The following ANK3 variants were observed in gnomAD, a reference collection of about 807,000 sequenced individuals.
ANK3 encodes ankyrin 3.
Under a neutral mutation model 370.9 loss-of-function variants are expected in ANK3, and 57 were observed. That is an observed-to-expected ratio of 0.15 (90% CI 0.12 to 0.19). The LOEUF is 0.19. ANK3 is among the 10% of genes least tolerant of loss of function. ANK3 has a pLI of 1.00. For missense variants in ANK3, 4,439 were observed against 5,302.1 expected, an observed-to-expected ratio of 0.84 and a Z score of 5.06; for synonymous variants, 1,929 against 1,946.3, an observed-to-expected ratio of 0.99 and a Z score of 0.23.
intron 2 of ANK3, among the ~76,000 whole-genome samples, chr10:60,442,605 AC>A (rs1175532302): frequency 6.6e-6 from 1 of 152,192 alleles, no homozygotes; most frequent in Non-Finnish European, 1.5e-5. Context: ...AACCACAGAT[AC>A]AAAAGGCAGA....
At position 60,681,023 on chromosome 10, in the gene ANK3, C is replaced by G. The variant is rs77826325; in HGVS notation, c.57+52240G>C. Among the ~76,000 whole-genome samples the G allele has an allele frequency of 2.4e-4, 37 of 152,284 alleles. 1 individual carries two copies. The East Asian group carries it at 6.0e-3, about 25-fold the overall frequency. ...ATTTTTCCTCTTCACTTGGCACTCT[C>G]TAACTCAGGGGAAAGTTAACCAAGT... On this transcript the variant is annotated intron_variant, in intron 1 of 43. Coordinates refer to the ANK3 transcript ENST00000373827.
chr10:60,461,410 A>AT (rs1399810444), intron 2 of ANK3, among the ~76,000 whole-genome samples: 1 of 152,200 alleles, frequency 6.6e-6, no homozygotes, highest in African/African-American at 2.4e-5. Flanking sequence ...GATCAAAATG[A>AT]TATTTTCAGT....
chr10:60,082,665 G>A lies in ANK3; in HGVS notation c.4273C>T (p.Pro1425Ser), dbSNP rs752615413. Residue 1425 changes from proline (P) to serine (S), a missense_variant, in exon 34 of 44, where the codon CCT (proline) becomes TCT (serine). By Grantham distance (74) the Pro-to-Ser change is moderately conservative. Transcript: ENST00000280772. ...TTTAAGTTGCAAACCGCTGTTTGAGGCAGTCCTTTTGTTGTCTTTGGTTCT... is the reference window on the plus strand; with the variant it reads ...TTTAAGTTGCAAACCGCTGTTTGAGACAGTCCTTTTGTTGTCTTTGGTTCT... ...LKEPKTTKGL[P>S]QTAVCNLNIT... The A allele has an allele frequency of 6.2e-7, 1 of 1,614,110 alleles. No homozygotes were observed. Among genetic ancestry groups the A allele is most frequent in the South Asian group, 1.1e-5 (1 of 91,084 alleles).
At chr10:60,311,851 G>T (rs2046422663) in intron 1 of ANK3, among the ~76,000 whole-genome samples, 1 of 152,108 alleles carries the variant, frequency 6.6e-6, no homozygotes, top group Non-Finnish European at 1.5e-5. Context: ...TCTAAAGTAG[G>T]TCTGAAATCA....
chr10:60,493,965 T>A (rs1386863900), intron 2 of ANK3, among the ~76,000 whole-genome samples: 2 of 152,200 alleles, frequency 1.3e-5, no homozygotes, highest in African/African-American at 4.8e-5. Flanking sequence ...ATATTAATCA[T>A]GATAATATCA....
At chr10:60,535,903 G>A (rs2133207488) in intron 2 of ANK3, among the ~76,000 whole-genome samples, 1 of 150,180 alleles carries the variant, frequency 6.7e-6, no homozygotes, top group East Asian at 2.0e-4. Flanking sequence ...CTAAATATCG[G>A]CAAAGCAACT....
intron 42 of ANK3, among the ~76,000 whole-genome samples, chr10:60,052,630 T>C (rs1429739984): frequency 6.6e-6 from 1 of 152,174 alleles, no homozygotes; most frequent in African/African-American, 2.4e-5. Context: ...AGTTCATAAT[T>C]TGAAGGGGAA....
chr10:60,389,296 C>T, intron 1 of ANK3, 129 bp downstream of exon 1: 1 of 864,494 alleles, frequency 1.2e-6, no homozygotes, highest in Non-Finnish European at 1.8e-6. Context: ...CATCTGTTCC[C>T]AATTTACACA....
intron 16 of ANK3, among the ~76,000 whole-genome samples, chr10:60,193,708 CT>C (rs1295366776): frequency 1.3e-5 from 2 of 151,824 alleles, no homozygotes; most frequent in Non-Finnish European, 2.9e-5. Context: ...TGCTTTATAA[CT>C]TTGGTCAATT....
At chr10:60,556,501 C>G (rs2077210012) in intron 2 of ANK3, among the ~76,000 whole-genome samples, 1 of 152,172 alleles carries the variant, frequency 6.6e-6, no homozygotes, top group African/African-American at 2.4e-5. Context: ...AATGCACCTG[C>G]TGCCATTGAC....
At position 60,075,919 on chromosome 10, in the gene ANK3, A is replaced by G. The variant is rs778625193; in HGVS notation, c.4962T>C (p.Tyr1654=). 1.2e-6 allele frequency: 2 copies of G among 1,614,140 alleles called. No individual in the cohort carries two copies. ...PASPKSNINM[Y]SSSLPFKSII... ...TTGACTTAAATGGCAAACTTGAGGAATACATATTAATGTTTGATTTGGGGG... is the reference window on the plus strand; with the variant it reads ...TTGACTTAAATGGCAAACTTGAGGAGTACATATTAATGTTTGATTTGGGGG... The change falls in exon 37 of 44, where the codon TAT becomes TAC. Residue 1654 remains tyrosine, a synonymous_variant. Transcript: ENST00000280772.
chr10:60,152,039 A>G (rs2095146132), intron 23 of ANK3, among the ~76,000 whole-genome samples: 3 of 152,170 alleles, frequency 2.0e-5, no homozygotes, highest in Admixed American at 2.0e-4. Flanking sequence ...TGAGAGTATT[A>G]ATTTACATGG....
At position 60,196,138 on chromosome 10, in the gene ANK3, T is replaced by G. The variant is rs773396912; in HGVS notation, c.1887+7A>C. The G allele has an allele frequency of 3.1e-6, 5 of 1,612,430 alleles. No homozygotes were observed. In the East Asian group the frequency reaches 1.1e-4, roughly 36 times the overall value. ...TCAGTCTCCTTAGGCTGTGGAATTA[T>G]AGGTACCTTTGCGGCTGCGTGAGGT... On this transcript the variant is annotated splice_region_variant and intron_variant, in intron 16 of 43. Coordinates refer to ENST00000280772, the MANE Select transcript of ANK3 (RefSeq NM_020987.5).
At chr10:60,632,903 C>CG (rs1230011649) in intron 1 of ANK3, among the ~76,000 whole-genome samples, 2 of 81,168 alleles carry the variant, frequency 2.5e-5, no homozygotes, top group African/African-American at 7.5e-5. Flanking sequence ...AAATAAAAAA[C>CG]AAAAAAAAAA....
At chr10:60,378,572 G>T (rs971679364) in intron 1 of ANK3, among the ~76,000 whole-genome samples, 1 of 151,988 alleles carries the variant, frequency 6.6e-6, no homozygotes, top group Non-Finnish European at 1.5e-5. Flanking sequence ...TTTTGACGAA[G>T]GTGCAAAGAA....
At chr10:60,694,379 T>G (rs184604659) in intron 1 of ANK3, among the ~76,000 whole-genome samples, 7 of 152,276 alleles carry the variant, frequency 4.6e-5, no homozygotes, top group African/African-American at 1.7e-4. Flanking sequence ...AACATTCAGA[T>G]GCAGGAAATA....
intron 2 of ANK3, among the ~76,000 whole-genome samples, chr10:60,452,203 T>G (rs2064624470): frequency 6.6e-6 from 1 of 152,232 alleles, no homozygotes. Flanking sequence ...GCTCTGGAAT[T>G]CTTTTTGCCA....
chr10:60,469,625 GTATATATA>G (rs36050397), intron 2 of ANK3, among the ~76,000 whole-genome samples: 1 of 1,772 alleles, frequency 5.6e-4, no homozygotes, highest in Non-Finnish European at 9.5e-4. Context: ...ATATATGGTG[GTATATATA>G]TATATATATA....
At chr10:60,407,463 A>G (rs147317698) in intron 2 of ANK3, among the ~76,000 whole-genome samples, 1 of 152,334 alleles carries the variant, frequency 6.6e-6, no homozygotes, top group African/African-American at 2.4e-5. Context: ...TGTGAGTGTT[A>G]TGTTACAAGG....
Sources: gnomAD v4.1 joint callset for allele counts (sites outside exome capture counted in the v4.1 genomes callset) on GRCh38, gnomAD v4.1.1 for gene constraint, MANE v1.5 for transcripts, NCBI Gene and HGNC (gene_info 2026-07-23, HGNC 2026-07-21) for gene names.